The following TNFAIP8 variants were observed in gnomAD, a reference collection of about 807,000 sequenced individuals.
The protein encoded by TNFAIP8 is tumor necrosis factor alpha-induced protein 8.
A neutral mutation model predicts 13.3 loss-of-function variants in TNFAIP8; 7 were observed. That is an observed-to-expected ratio of 0.52 (90% CI 0.30 to 0.99). The LOEUF (loss-of-function observed/expected upper bound fraction) is 0.99, where lower values mean the gene tolerates loss of function less well. Ranked by LOEUF, TNFAIP8 falls within the 50% of genes least tolerant of loss-of-function variation. The pLI is 0.07. For missense variants in TNFAIP8, 258 were observed against 236.9 expected, an observed-to-expected ratio of 1.09 and a Z score of -0.58; for synonymous variants, 94 against 87.6, an observed-to-expected ratio of 1.07 and a Z score of -0.41.
intron 1 of TNFAIP8, chr5:119,306,615 A>C (rs1048287430): frequency 1.3e-5 from 2 of 151,986 alleles, no homozygotes; most frequent in African/African-American, 2.4e-5. Flanking sequence ...CTATGGGCAC[A>C]TGCCACCGTG....
rs1416216564 is a variant in TNFAIP8, at chr5:119,393,219, C to T, written c.435C>T (p.Arg145=). The T allele has an allele frequency of 6.2e-7, 1 of 1,613,990 alleles. No individual in the cohort carries two copies. Among genetic ancestry groups the T allele is most frequent in the Admixed American group, 1.7e-5 (1 of 60,014 alleles). Residue 145 remains arginine (R), a synonymous_variant, in exon 2 of 2, where the codon CGC becomes CGT. Transcript: ENST00000504771. ...AGATGCTGCACCAAATCATTCAGCG[C>T]CACCTCACTGCCAAGTCACATGGAC... The part of the protein sequence containing the change: ...CREMLHQIIQ[R]HLTAKSHGRV...
Position 119,383,057 on chromosome 5 carries a change from C to G in TNFAIP8, c.32-9759C>G, listed in dbSNP as rs556149762. ...GCATTTTGTGCATCTCCAAAGGGGA[C>G]CTTTGTGTACACTGTTTCCCAAACT... is the stretch of plus-strand genomic sequence containing the variant. On this transcript the variant is annotated intron_variant, in intron 1 of 1. Transcript: ENST00000504771. Among the ~76,000 whole-genome samples the G allele has an allele frequency of 3.9e-5, 6 of 152,292 alleles. 1 individual carries two copies. The South Asian group carries it at 1.2e-3, about 32-fold the overall frequency.
chr5:119,298,377 G>C (rs534558335), intron 1 of TNFAIP8, among the ~76,000 whole-genome samples: 27 of 152,136 alleles, frequency 1.8e-4, no homozygotes, highest in African/African-American at 6.0e-4. Context: ...GCTTAGTTGG[G>C]CTGGATATGA....
rs185391835 is a variant in TNFAIP8, at chr5:119,325,593, G to A, written c.1+56686G>A. ...CTCCCGAGTAGCTGGGACTACAGGCGTCCGCCACCATACCCGGCTAATTTT... is the reference window on the plus strand; with the variant it reads ...CTCCCGAGTAGCTGGGACTACAGGCATCCGCCACCATACCCGGCTAATTTT... On this transcript the variant is annotated intron_variant, in intron 1 of 1. Transcript: ENST00000274456. Among the ~76,000 whole-genome samples, 469 of 152,284 alleles carry A rather than the reference G, an allele frequency of 3.1e-3. 3 individuals carry two copies. The highest frequency in any genetic ancestry group is 2.8e-3 in the Non-Finnish European group (191 of 68,012).
chr5:119,271,328 G>C (rs767673786), intron 1 of TNFAIP8, among the ~76,000 whole-genome samples: 5 of 152,276 alleles, frequency 3.3e-5, no homozygotes, highest in Middle Eastern at 3.4e-3. Flanking sequence ...CTTTAAAGTT[G>C]AGTCTGCCAC....
chr5:119,369,055 C>CTT (rs61101551), intron 1 of TNFAIP8, among the ~76,000 whole-genome samples: 113 of 105,004 alleles, frequency 1.1e-3, no homozygotes, highest in African/African-American at 6.4e-3. Flanking sequence ...CTTTTCTTTT[C>CTT]TTTTTTTTTT....
chr5:119,354,333 C>T (rs1462235255), upstream of TNFAIP8: 1 of 152,216 alleles, frequency 6.6e-6, no homozygotes, highest in Admixed American at 6.5e-5. Flanking sequence ...TCTCCCTTCT[C>T]TGGCTGGCTA....
At chr5:119,350,484 A>G (rs931863493) in intron 1 of TNFAIP8, among the ~76,000 whole-genome samples, 9 of 152,214 alleles carry the variant, frequency 5.9e-5, no homozygotes, top group African/African-American at 2.2e-4. Flanking sequence ...TAAAAGAAGG[A>G]CCGTGGGTCA....
chr5:119,337,366 A>C (rs945701589), intron 1 of TNFAIP8, among the ~76,000 whole-genome samples: 7 of 152,228 alleles, frequency 4.6e-5, no homozygotes, highest in Admixed American at 4.6e-4. Context: ...CATTAGGGTT[A>C]GCATTGATTT....
In TNFAIP8 at chr5:119,344,499, G is replaced by A. The variant is rs180806402; in HGVS notation, c.2-48317G>A. Among the ~76,000 whole-genome samples, 214 of 152,350 alleles carry A rather than the reference G, an allele frequency of 1.4e-3. 1 individual carries two copies. The highest frequency in any genetic ancestry group is 0.01 in the Middle Eastern group (3 of 294). ...CTGTAATAGCTGGCATCCTGGGAAT[G>A]GGGCCTCACCCACAGCCTGTCCTAT... On this transcript the variant is annotated intron_variant, in intron 1 of 1. Transcript: ENST00000274456.
At chr5:119,275,289 G>C (rs972348971) in intron 1 of TNFAIP8, among the ~76,000 whole-genome samples, 1 of 152,012 alleles carries the variant, frequency 6.6e-6, no homozygotes, top group African/African-American at 2.4e-5. Context: ...ATGAAACAGA[G>C]ACATTGGAGA....
At chr5:119,330,697 G>A (rs1750350152) in intron 1 of TNFAIP8, among the ~76,000 whole-genome samples, 1 of 152,164 alleles carries the variant, frequency 6.6e-6, no homozygotes, top group African/African-American at 2.4e-5. Flanking sequence ...CTGAGATGCC[G>A]AGATAACGTG....
Position 119,298,457 on chromosome 5 carries a change from A to G in TNFAIP8, c.1+29550A>G, listed in dbSNP as rs879926635. On this transcript the variant is annotated intron_variant, in intron 1 of 1. Coordinates refer to the TNFAIP8 transcript ENST00000274456. ...GCCCCCACTCTCTTCTGGCTTGTAG[A>G]GTTTCTGCCGAGAGATCAGCTGTTA... Among the ~76,000 whole-genome samples, 308 of 151,650 alleles carry G rather than the reference A, an allele frequency of 2.0e-3. 1 individual carries two copies. Among genetic ancestry groups the G allele is most frequent in the Middle Eastern group, 3.4e-3 (1 of 294 alleles).
intron 1 of TNFAIP8, among the ~76,000 whole-genome samples, chr5:119,387,724 C>G (rs938338119): frequency 2.0e-5 from 3 of 152,114 alleles, no homozygotes; most frequent in Admixed American, 6.5e-5. Flanking sequence ...CCCTAAATAT[C>G]ACTTTGCCTT....
chr5:119,270,189 A>G (rs751809414), intron 1 of TNFAIP8, among the ~76,000 whole-genome samples: 31 of 152,280 alleles, frequency 2.0e-4, no homozygotes, highest in Admixed American at 1.8e-3. Context: ...GTAAGAGTTG[A>G]TAAATCACTG....
At chr5:119,332,904 T>C (rs1750428545) in intron 1 of TNFAIP8, among the ~76,000 whole-genome samples, 1 of 152,202 alleles carries the variant, frequency 6.6e-6, no homozygotes, top group Non-Finnish European at 1.5e-5. Flanking sequence ...AAACCTTATA[T>C]ACTCTTCCAA....
intron 1 of TNFAIP8, among the ~76,000 whole-genome samples, chr5:119,385,990 C>A (rs1752653036): frequency 6.6e-6 from 1 of 152,160 alleles, no homozygotes; most frequent in South Asian, 2.1e-4. Flanking sequence ...AGTAATATCC[C>A]TGAGCAGTGT....
intron 1 of TNFAIP8, among the ~76,000 whole-genome samples, chr5:119,359,872 C>A (rs1450932263): frequency 6.6e-6 from 1 of 152,196 alleles, no homozygotes; most frequent in Non-Finnish European, 1.5e-5. Context: ...ACAGCATATG[C>A]TCTTAAACAC....
chr5:119,341,055 T>TG (rs2112728795), intron 1 of TNFAIP8, among the ~76,000 whole-genome samples: 1 of 151,494 alleles, frequency 6.6e-6, no homozygotes, highest in Admixed American at 6.6e-5. Context: ...TATTCAGGGC[T>TG]GGTAAGCTTC....
Sources: gnomAD v4.1 joint callset for allele counts (sites outside exome capture counted in the v4.1 genomes callset) on GRCh38, gnomAD v4.1.1 for gene constraint, MANE v1.5 for transcripts, NCBI Gene and HGNC (gene_info 2026-07-23, HGNC 2026-07-21) for gene names.